The following DHX15 variants were observed in gnomAD, a reference collection of about 807,000 sequenced individuals.
The protein encoded by DHX15 is ATP-dependent RNA helicase DHX15.
A neutral mutation model predicts 94.4 loss-of-function variants in DHX15; 11 were observed. The ratio of observed to expected loss-of-function variants is 0.12; its 90% CI spans 0.07 to 0.19. The LOEUF is 0.19. Ranked by LOEUF, DHX15 falls within the 10% of genes least tolerant of loss-of-function variation. The pLI, the probability that DHX15 is intolerant of heterozygous loss-of-function variation, is 1.00. For missense variants in DHX15, 304 were observed against 988.5 expected (o/e 0.31, Z 9.29); for synonymous variants, 338 against 329.9 (o/e 1.02, Z -0.27).
intron 1 of DHX15, among the ~76,000 whole-genome samples, chr4:24,578,346 G>A (rs1341584732): frequency 6.6e-6 from 1 of 152,146 alleles, no homozygotes; most frequent in African/African-American, 2.4e-5. Flanking sequence ...AAATGCCAAC[G>A]AGGTGTAGTT....
rs564677073 is a variant in DHX15 at position 24,544,556 on chromosome 4, G to A, written c.1249-1530C>T. The stretch of plus-strand genomic sequence containing the variant: ...AGCAACTAGAACTGAAGCAAACAAC[G>A]ACATACATAAGGTTAACAGGTGAAA... On this transcript the variant is annotated intron_variant, in intron 6 of 13. Coordinates refer to ENST00000336812, the MANE Select transcript of DHX15 (RefSeq NM_001358.3). Among the ~76,000 whole-genome samples the A allele has an allele frequency of 4.6e-5, 7 of 152,210 alleles. No homozygotes were observed. In the East Asian group the frequency reaches 7.7e-4, roughly 17 times the overall value.
intron 11 of DHX15, among the ~76,000 whole-genome samples, chr4:24,534,956 CTTTTT>C (rs35732046): frequency 7.0e-6 from 1 of 143,236 alleles, no homozygotes; most frequent in Non-Finnish European, 1.5e-5. Flanking sequence ...AAGTTTTTTG[CTTTTT>C]TTTTTTTTAA....
chr4:24,569,292 T>C (rs193114458), intron 3 of DHX15, among the ~76,000 whole-genome samples: 1 of 152,276 alleles, frequency 6.6e-6, no homozygotes, highest in Non-Finnish European at 1.5e-5. Context: ...TGCAGTTCAT[T>C]ATTCTATTCA....
In DHX15 at chr4:24,537,917, T is replaced by C. The variant is rs1333802075; in HGVS notation, c.1787-744A>G. The C allele has an allele frequency of 6.6e-6, 1 of 152,180 alleles. No homozygotes were observed. The highest frequency in any genetic ancestry group is 1.5e-5 in the Non-Finnish European group (1 of 68,020). 9.4% of individuals were successfully genotyped at this position (152,180 alleles called of 1,614,324 possible). A position where few individuals can be genotyped will look rare whatever the true frequency, so the allele number is the denominator to read the frequency against. On this transcript the variant is annotated intron_variant, in intron 10 of 13. Coordinates refer to ENST00000336812, the MANE Select transcript of DHX15 (RefSeq NM_001358.3). The surrounding 1 kb of genome is among the most constrained non-coding windows in gnomAD (Gnocchi z 4.7). ...AAAAAAGAAAAAAAACAAACTTATT[T>C]GAATCAAAACCTCAATATAAAAGCA...
Position 24,538,846 on chromosome 4 carries a change from T to C in DHX15, c.1786+1262A>G, listed in dbSNP as rs555544818. ...TTCTAAACTCAAACAACAGTAATCA[T>C]GTAAGTATATCTGATAAGAGAACCT... On this transcript the variant is annotated intron_variant, in intron 10 of 13. Coordinates refer to ENST00000336812, the MANE Select transcript of DHX15 (RefSeq NM_001358.3). The C allele has an allele frequency of 2.1e-3, 323 of 152,236 alleles. 3 individuals are homozygous for C. Among genetic ancestry groups the C allele is most frequent in the African/African-American group, 7.5e-3 (313 of 41,544 alleles). The allele number at this position is 152,236 out of a possible 1,614,324, so 9.4% of individuals were successfully genotyped here. A position where few individuals can be genotyped will look rare whatever the true frequency, so the allele number is the denominator to read the frequency against.
At chr4:24,557,815 G>A (rs919212029) in intron 3 of DHX15, among the ~76,000 whole-genome samples, 19 of 152,038 alleles carry the variant, frequency 1.2e-4, no homozygotes, top group African/African-American at 4.6e-4. Flanking sequence ...AAATTTCTTT[G>A]ATCTGAGGAC....
intron 11 of DHX15, 97 bp from the exon 12 acceptor site, chr4:24,533,151 A>C: frequency 9.4e-7 from 1 of 1,064,866 alleles, no homozygotes; most frequent in Non-Finnish European, 1.5e-6. Context: ...AATAAGCTAA[A>C]TAAACCAGAA....
intron 1 of DHX15, chr4:24,580,928 C>T (rs1722398236): frequency 6.6e-6 from 1 of 152,032 alleles, no homozygotes; most frequent in Non-Finnish European, 1.5e-5. Context: ...AAAATAGCAA[C>T]AAGTGGAAAA....
chr4:24,567,017 A>G (rs1451398755), intron 3 of DHX15, among the ~76,000 whole-genome samples: 1 of 152,204 alleles, frequency 6.6e-6, no homozygotes, highest in Non-Finnish European at 1.5e-5. Flanking sequence ...TGCCCAACAC[A>G]TAGAAGGTAC....
Position 24,536,842 on chromosome 4 carries a change from T to C in DHX15, c.1909+209A>G, listed in dbSNP as rs1474439102. ...TGTTATTTTTCAGGTTTTCTACAAT[T>C]GGTGCTTTATCCCCTGATTATAAAC... On this transcript the variant is annotated intron_variant, in intron 11 of 13. Transcript: ENST00000336812. Among the ~76,000 whole-genome samples, 8 of 152,328 alleles carry C rather than the reference T, an allele frequency of 5.3e-5. No individual in the cohort carries two copies. In the East Asian group the frequency reaches 1.5e-3, roughly 29 times the overall value.
chr4:24,535,542 C>T (rs1013985058), intron 11 of DHX15, among the ~76,000 whole-genome samples: 2 of 152,168 alleles, frequency 1.3e-5, no homozygotes, highest in African/African-American at 4.8e-5. Context: ...CTAAGGTAAA[C>T]CATGTGCTGG....
intron 12 of DHX15, among the ~76,000 whole-genome samples, chr4:24,532,126 T>A (rs1193427579): frequency 1.3e-5 from 2 of 152,260 alleles, no homozygotes; most frequent in Admixed American, 6.5e-5. Context: ...TGCATTTTTC[T>A]CAAAGTTTCT....
At chr4:24,541,745 C>G in intron 8 of DHX15, 128 bp downstream of exon 8, 1 of 960,744 alleles carries the variant, frequency 1.0e-6, no homozygotes. Flanking sequence ...ATACATTTCA[C>G]TCCTGGAAAA....
chr4:24,557,692 T>A (rs1430894241), intron 3 of DHX15, among the ~76,000 whole-genome samples: 1 of 152,168 alleles, frequency 6.6e-6, no homozygotes, highest in Non-Finnish European at 1.5e-5. Context: ...ATAAGGTTAT[T>A]TTATGTAAGA....
chr4:24,570,818 T>G lies in DHX15; in HGVS notation c.537A>C (p.Arg179=). The G allele has an allele frequency of 6.2e-7, 1 of 1,614,164 alleles. No homozygotes were observed. Among genetic ancestry groups the G allele is most frequent in the Non-Finnish European group, 8.5e-7 (1 of 1,180,040 alleles). The change falls in exon 3 of 14, where the codon CGA becomes CGC. Residue 179 remains arginine (R), a synonymous_variant. Coordinates refer to ENST00000336812, the MANE Select transcript of DHX15 (RefSeq NM_001358.3). ...CTCCTCTCTTGGGTCCTGGTAATGA[T>G]CGCATGTACTCCACACACCACTGTG... is the stretch of plus-strand genomic sequence containing the variant. ...QIPQWCVEYM[R]SLPGPKRGVA...
intron 12 of DHX15, 78 bp downstream of exon 12, chr4:24,532,786 G>C: frequency 2.6e-6 from 3 of 1,132,612 alleles, no homozygotes; most frequent in Non-Finnish European, 3.7e-6. Context: ...TTTTGCTTTT[G>C]AGTGGATTCA....
intron 1 of DHX15, among the ~76,000 whole-genome samples, chr4:24,580,519 T>C (rs557190408): frequency 2.4e-4 from 37 of 152,018 alleles, no homozygotes; most frequent in African/African-American, 8.9e-4. Flanking sequence ...GCTTTTTTTT[T>C]TTTTTTTTAA....
In DHX15 at chr4:24,576,436, T is replaced by C; in HGVS notation, c.314A>G (p.His105Arg). ...CTGTGGAAGTGACGTGTGACCTGCA[T>C]GTCCGGCATGCGTTGAATGAGCAGA... ...THSAHSTHAG[H>R]AGHTSLPQCI... The change falls in exon 2 of 14, where the codon CAT becomes CGT. Residue 105 changes from histidine (H) to arginine (R), a missense_variant. By Grantham distance (29) the His-to-Arg change is conservative. This residue lies in a region of DHX15 where 143 missense variants were observed against 200.5 expected (regional missense o/e 0.71). Coordinates refer to ENST00000336812, the MANE Select transcript of DHX15 (RefSeq NM_001358.3). The C allele has an allele frequency of 3.7e-6, 6 of 1,614,208 alleles. No homozygotes were observed. The highest frequency in any genetic ancestry group is 1.7e-5 in the Admixed American group (1 of 60,026).
rs545720991 is a variant in DHX15, at chr4:24,536,018, AT to A, written c.1909+1032del. 7.4e-3 allele frequency among the ~76,000 whole-genome samples: 1,129 copies of A among 152,254 alleles called. 13 individuals are homozygous for A. Among genetic ancestry groups the A allele is most frequent in the Non-Finnish European group, 0.011 (722 of 68,010 alleles). On this transcript the variant is annotated intron_variant, in intron 11 of 13. Coordinates refer to ENST00000336812, the MANE Select transcript of DHX15 (RefSeq NM_001358.3). ...TGTAGGGCTATCAGTTAAAAAAAAA[AT>A]GTCAGATCCAGTTGCAATTTCTGTA...
Sources: allele counts gnomAD v4.1 joint callset (sites outside exome capture counted in the v4.1 genomes callset), GRCh38; gene constraint gnomAD v4.1.1; regional missense constraint gnomAD v4.1.1; non-coding constraint Gnocchi (gnomAD v3.1); transcripts MANE v1.5; gene names NCBI Gene and HGNC (gene_info 2026-07-23, HGNC 2026-07-21).